Variants in KMT2C observed in about 807,000 individuals in gnomAD.
KMT2C encodes the protein lysine methyltransferase 2C, also known as histone-lysine N-methyltransferase 2C.
A neutral mutation model predicts 507.9 loss-of-function variants in KMT2C; 88 were observed. The observed-to-expected ratio is 0.17, with a 90% CI of 0.15 to 0.21. The LOEUF (loss-of-function observed/expected upper bound fraction) is 0.21, where lower values mean the gene tolerates loss of function less well. KMT2C is among the 10% of genes least tolerant of loss of function. The pLI is 1.00. For synonymous variants in KMT2C, 2,049 were observed against 2,080.8 expected, an observed-to-expected ratio of 0.98 and a Z score of 0.42; for missense variants, 4,954 against 5,957.8, an observed-to-expected ratio of 0.83 and a Z score of 5.55.
At chr7:152,145,690 G>A (rs2091038271) in intron 53 of KMT2C, among the ~76,000 whole-genome samples, 1 of 152,132 alleles carries the variant, frequency 6.6e-6, no homozygotes, top group Non-Finnish European at 1.5e-5. Flanking sequence ...TTATATCTCT[G>A]TCTGGAATTT....
chr7:152,225,778 G>GACT (rs1194095645), intron 18 of KMT2C, among the ~76,000 whole-genome samples: 1 of 152,128 alleles, frequency 6.6e-6, no homozygotes, highest in Non-Finnish European at 1.5e-5. Flanking sequence ...AGGAGGGTAG[G>GACT]ACTTCTCCCA....
At chr7:152,384,299 C>A (rs2116492781) in intron 1 of KMT2C, among the ~76,000 whole-genome samples, 1 of 152,342 alleles carries the variant, frequency 6.6e-6, no homozygotes, top group South Asian at 2.1e-4. Context: ...CATACTACCT[C>A]TAAAGCCTCA....
At chr7:152,346,728 A>C (rs1252428667) in intron 2 of KMT2C, among the ~76,000 whole-genome samples, 1 of 152,228 alleles carries the variant, frequency 6.6e-6, no homozygotes, top group Non-Finnish European at 1.5e-5. Flanking sequence ...TACTGTTGAC[A>C]GGAAGCCTTA....
intron 13 of KMT2C, among the ~76,000 whole-genome samples, chr7:152,248,929 G>C (rs1357363765): frequency 1.3e-5 from 2 of 152,096 alleles, no homozygotes; most frequent in Non-Finnish European, 2.9e-5. Context: ...CATGTTATGT[G>C]AGGTACCTAA....
At chr7:152,379,385 A>G (rs2097352555) in intron 1 of KMT2C, among the ~76,000 whole-genome samples, 1 of 152,074 alleles carries the variant, frequency 6.6e-6, no homozygotes, top group Non-Finnish European at 1.5e-5. Flanking sequence ...TAAATATACA[A>G]AAATAAGCCA....
rs1300228806 is a variant in KMT2C at position 152,163,586 on chromosome 7, T to C, written c.9991A>G (p.Ser3331Gly). The part of the protein sequence containing the change: ...SGHTSPVRMP[S>G]LPGWQPNSAP... ...CTGTTGGGTTGCCATCCAGGTAAAC[T>C]GGGCATTCTAACAGGGCTAGTATGG... The change falls in exon 43 of 59, where the codon AGT (serine) becomes GGT (glycine). Residue 3331 changes from serine (S) to glycine (G), a missense_variant. Transcript: ENST00000262189. The C allele has an allele frequency of 1.2e-6, 2 of 1,605,176 alleles. No homozygotes were observed. Among genetic ancestry groups the C allele is most frequent in the Non-Finnish European group, 1.7e-6 (2 of 1,174,536 alleles).
chr7:152,289,784 TAGGCA>T (rs1328848364), intron 6 of KMT2C, among the ~76,000 whole-genome samples: 2 of 152,184 alleles, frequency 1.3e-5, no homozygotes, highest in Non-Finnish European at 2.9e-5. Context: ...TGTGTAGGAC[TAGGCA>T]AGGTGGCTCA....
At chr7:152,307,199 A>G (rs4726148) in intron 6 of KMT2C, among the ~76,000 whole-genome samples, 922 of 20,416 alleles carry the variant, frequency 0.045, 6 homozygotes, top group East Asian at 0.12. Flanking sequence ...AAGAGGGAGG[A>G]AGGAAGGAAG....
intron 49 of KMT2C, 36 bp from the exon 50 acceptor site, chr7:152,151,617 G>T: frequency 1.9e-6 from 3 of 1,592,064 alleles, no homozygotes; most frequent in Non-Finnish European, 2.6e-6. Flanking sequence ...AATTAAAACT[G>T]ACTGATGACA....
intron 16 of KMT2C, among the ~76,000 whole-genome samples, chr7:152,233,400 T>A (rs1394776383): frequency 6.6e-6 from 1 of 152,104 alleles, no homozygotes; most frequent in African/African-American, 2.4e-5. Context: ...GAATAGAAAG[T>A]TCTGACCTAA....
chr7:152,149,225 G>C (rs2091405866), intron 51 of KMT2C, 73 bp from the exon 52 acceptor site: 1 of 1,398,600 alleles, frequency 7.2e-7, no homozygotes. Context: ...GTTAAGACAA[G>C]AAGCTGAGCA....
intron 6 of KMT2C, among the ~76,000 whole-genome samples, chr7:152,300,108 A>G (rs1237775606): frequency 6.6e-6 from 1 of 152,210 alleles, no homozygotes; most frequent in Admixed American, 6.5e-5. Context: ...GAATAATTCA[A>G]TGTTATATAC....
At chr7:152,311,610 C>T (rs1407147577) in intron 5 of KMT2C, among the ~76,000 whole-genome samples, 188 bp downstream of exon 5, 1 of 152,132 alleles carries the variant, frequency 6.6e-6, no homozygotes, top group Non-Finnish European at 1.5e-5. Flanking sequence ...GGTGGTGGTA[C>T]TGTACAGATT....
At chr7:152,367,334 A>C in intron 1 of KMT2C, 1 of 874,546 alleles carries the variant, frequency 1.1e-6, no homozygotes, top group East Asian at 2.6e-5. Context: ...CCTTCGCAGA[A>C]GCCCTGAAGC....
chr7:152,335,908 GT>G (rs1051760192), intron 2 of KMT2C, among the ~76,000 whole-genome samples: 4 of 145,928 alleles, frequency 2.7e-5, no homozygotes, highest in East Asian at 2.1e-4. Flanking sequence ...AGACTATAGG[GT>G]TTTTTTGTTT....
intron 55 of KMT2C, among the ~76,000 whole-genome samples, chr7:152,140,129 G>T (rs1041609197): frequency 3.9e-5 from 6 of 152,050 alleles, no homozygotes; most frequent in African/African-American, 7.2e-5. Flanking sequence ...TAAGCTTATT[G>T]ACTTGTGGTG....
At chr7:152,316,840 ATCAAG>A (rs1400060783) in intron 3 of KMT2C, among the ~76,000 whole-genome samples, 4 of 151,832 alleles carry the variant, frequency 2.6e-5, no homozygotes, top group South Asian at 2.1e-4. Context: ...AAAAAAAAAA[ATCAAG>A]TCAAGTTGAA....
intron 3 of KMT2C, among the ~76,000 whole-genome samples, chr7:152,317,208 C>T (rs2096730050): frequency 6.6e-6 from 1 of 152,052 alleles, no homozygotes; most frequent in African/African-American, 2.4e-5. Context: ...TTTTGCCAGA[C>T]AACAGATCAA....
intron 36 of KMT2C, 45 bp from the exon 37 acceptor site, chr7:152,180,171 TGG>T: frequency 6.2e-7 from 1 of 1,601,804 alleles, no homozygotes. Context: ...TGGTAATTAA[TGG>T]CTTTTTAAAG....
Sources: allele counts gnomAD v4.1 joint callset (sites outside exome capture counted in the v4.1 genomes callset), GRCh38; gene constraint gnomAD v4.1.1; transcripts MANE v1.5; gene names NCBI Gene and HGNC (gene_info 2026-07-23, HGNC 2026-07-21).